Variants in DTNBP1 observed in about 807,000 individuals in gnomAD.
DTNBP1 encodes dystrobrevin binding protein 1.
A neutral mutation model predicts 42.8 loss-of-function variants in DTNBP1; 35 were observed. That is an observed-to-expected ratio of 0.82 (90% CI 0.63 to 1.09). The LOEUF is 1.09. DTNBP1 is among the 50% of genes least tolerant of loss of function. DTNBP1 has a pLI of 0.00. For missense variants in DTNBP1, 457 were observed against 424.2 expected (o/e 1.08, Z -0.68); for synonymous variants, 171 against 162.2 (o/e 1.05, Z -0.41).
intron 5 of DTNBP1, among the ~76,000 whole-genome samples, chr6:15,623,884 A>G (rs909587312): frequency 6.6e-6 from 1 of 152,234 alleles, no homozygotes; most frequent in Admixed American, 6.5e-5. Context: ...TACTAATATC[A>G]CCACATTGAA....
At chr6:15,628,717 C>T (rs1387834790) in intron 4 of DTNBP1, among the ~76,000 whole-genome samples, 1 of 152,036 alleles carries the variant, frequency 6.6e-6, no homozygotes, top group Admixed American at 6.6e-5. Flanking sequence ...AGGATTAAGG[C>T]TCTTTAAGAG....
At chr6:15,590,719 C>A (rs947420488) in intron 7 of DTNBP1, among the ~76,000 whole-genome samples, 3 of 152,244 alleles carry the variant, frequency 2.0e-5, no homozygotes, top group South Asian at 4.1e-4. Flanking sequence ...AAAATAAGAA[C>A]AACAACTGGT....
At chr6:15,598,330 ACTCT>A (rs1054161249) in intron 6 of DTNBP1, among the ~76,000 whole-genome samples, 1 of 152,186 alleles carries the variant, frequency 6.6e-6, no homozygotes, top group Non-Finnish European at 1.5e-5. Context: ...GATAAAGCAA[ACTCT>A]CTCTAAATCC....
At chr6:15,658,638 G>A (rs750809821) in intron 1 of DTNBP1, among the ~76,000 whole-genome samples, 2 of 152,206 alleles carry the variant, frequency 1.3e-5, no homozygotes, top group Non-Finnish European at 1.5e-5. Flanking sequence ...TGAAGGGTTT[G>A]CATGCCTAAA....
At chr6:15,561,182 A>ATG (rs1241014730) in intron 7 of DTNBP1, among the ~76,000 whole-genome samples, 3 of 152,240 alleles carry the variant, frequency 2.0e-5, no homozygotes, top group Non-Finnish European at 4.4e-5. Flanking sequence ...GCAAGCTCAG[A>ATG]AGAAACAAGA....
At chr6:15,619,268 A>G (rs1464776472) in intron 5 of DTNBP1, among the ~76,000 whole-genome samples, 1 of 152,230 alleles carries the variant, frequency 6.6e-6, no homozygotes, top group Non-Finnish European at 1.5e-5. Flanking sequence ...TATGCTGACT[A>G]CCTTGATTTA....
chr6:15,607,858 T>A (rs1191611412), intron 6 of DTNBP1, among the ~76,000 whole-genome samples: 1 of 152,194 alleles, frequency 6.6e-6, no homozygotes, highest in Admixed American at 6.5e-5. Flanking sequence ...ACCCAGGAGA[T>A]GTATTTATAG....
At chr6:15,565,009 G>T (rs1284764971) in intron 7 of DTNBP1, among the ~76,000 whole-genome samples, 2 of 152,208 alleles carry the variant, frequency 1.3e-5, no homozygotes, top group African/African-American at 4.8e-5. Context: ...AGGAGGCTGA[G>T]GTCGGGGGAT....
chr6:15,657,159 A>G (rs577434656), intron 1 of DTNBP1, among the ~76,000 whole-genome samples: 19 of 152,316 alleles, frequency 1.2e-4, no homozygotes, highest in African/African-American at 3.6e-4. Flanking sequence ...GACTATCTAC[A>G]TCCTAATGCC....
Position 15,593,061 on chromosome 6 carries a change from T to C in DTNBP1, c.509A>G (p.Lys170Arg), listed in dbSNP as rs1321965444. ...GTGAAGAATTAACACAAAATTACCT[T>C]TGAAGGTTTCAAGTTCCTTCCTGTA... The part of the protein sequence containing the change: ...KNKRKELETF[K>R]AELDAEHAQK... The change falls in exon 7 of 10, where the codon AAA (lysine) becomes AGA (arginine). Residue 170 changes from lysine to arginine, a missense_variant and splice_region_variant. Coordinates refer to ENST00000344537, the MANE Select transcript of DTNBP1 (RefSeq NM_032122.5). 1 of 1,588,206 alleles carries C rather than the reference T, an allele frequency of 6.3e-7. No homozygotes were observed. The highest frequency in any genetic ancestry group is 1.2e-5 in the South Asian group (1 of 86,488).
At chr6:15,537,346 C>T (rs894204123) in intron 7 of DTNBP1, among the ~76,000 whole-genome samples, 6 of 151,712 alleles carry the variant, frequency 4.0e-5, no homozygotes, top group Non-Finnish European at 8.8e-5. Context: ...CTGCTCGAAC[C>T]AGGACCCAGG....
At chr6:15,576,279 C>T (rs894362475) in intron 7 of DTNBP1, among the ~76,000 whole-genome samples, 2 of 151,780 alleles carry the variant, frequency 1.3e-5, no homozygotes, top group African/African-American at 4.8e-5. Flanking sequence ...CCACCACGCC[C>T]GGCTAATTTT....
At position 15,552,426 on chromosome 6, in the gene DTNBP1, ATTAT is replaced by A. The variant is rs369769201; in HGVS notation, c.512-19035_512-19032del. On this transcript the variant is annotated intron_variant, in intron 7 of 9. Transcript: ENST00000344537. ...AATAGCACACAACCTATAAGCTGAT[ATTAT>A]TTATTCAATGAAAGGTTTAACACAT... Among the ~76,000 whole-genome samples, 214 of 152,344 alleles carry A rather than the reference ATTAT, an allele frequency of 1.4e-3. 1 individual carries two copies. Among genetic ancestry groups the A allele is most frequent in the African/African-American group, 4.9e-3 (203 of 41,582 alleles).
chr6:15,533,680 CACAA>C lies in DTNBP1; in HGVS notation c.512-289_512-286del, dbSNP rs1384481578. On this transcript the variant is annotated intron_variant, in intron 7 of 9. Coordinates refer to ENST00000344537, the MANE Select transcript of DTNBP1 (RefSeq NM_032122.5). The stretch of plus-strand genomic sequence containing the variant: ...CCACCCGCATCGCCCATTCATCAGT[CACAA>C]ACAGCTGTTCACCTTCCAAGACCAG... 5.3e-6 allele frequency: 3 copies of C among 563,482 alleles called. No homozygotes were observed. The African/African-American group carries it at 5.6e-5, about 10-fold the overall frequency. 34.9% of individuals were successfully genotyped at this position (563,482 alleles called of 1,614,324 possible). A position where few individuals can be genotyped will look rare whatever the true frequency, so the allele number is the denominator to read the frequency against.
At chr6:15,550,524 G>A (rs1774154181) in intron 7 of DTNBP1, among the ~76,000 whole-genome samples, 1 of 152,140 alleles carries the variant, frequency 6.6e-6, no homozygotes, top group Non-Finnish European at 1.5e-5. Flanking sequence ...CATGCCACCA[G>A]TTGGAAATAT....
chr6:15,608,399 C>T (rs1230084962), intron 6 of DTNBP1, among the ~76,000 whole-genome samples: 2 of 152,106 alleles, frequency 1.3e-5, no homozygotes, highest in Non-Finnish European at 2.9e-5. Flanking sequence ...ATTGCCACGC[C>T]GATAAGACAA....
At chr6:15,586,141 A>G (rs1776070892) in intron 7 of DTNBP1, 1 of 602,926 alleles carries the variant, frequency 1.7e-6, no homozygotes, top group African/African-American at 2.0e-5. Context: ...ACACAGCAAA[A>G]GAGAGATGAA....
intron 7 of DTNBP1, among the ~76,000 whole-genome samples, chr6:15,555,304 A>G (rs1774447938): frequency 6.6e-6 from 1 of 151,928 alleles, no homozygotes; most frequent in Admixed American, 6.6e-5. Flanking sequence ...CAATATTGTC[A>G]AAGGCATTAG....
At chr6:15,524,180 A>G (rs751321715) in intron 9 of DTNBP1, 102 of 1,461,446 alleles carry the variant, frequency 7.0e-5, no homozygotes, top group Non-Finnish European at 8.7e-5. Flanking sequence ...TGAGCCCCGC[A>G]GGAGAGTCCG....
Sources: allele counts gnomAD v4.1 joint callset (sites outside exome capture counted in the v4.1 genomes callset), GRCh38; gene constraint gnomAD v4.1.1; transcripts MANE v1.5; gene names NCBI Gene and HGNC (gene_info 2026-07-23, HGNC 2026-07-21).